The following KIF26B variants were observed in gnomAD, a reference collection of about 807,000 sequenced individuals.
KIF26B encodes kinesin family member 26B.
In KIF26B, 63 loss-of-function variants were observed where a neutral mutation model predicts 151.2. The ratio of observed to expected loss-of-function variants is 0.42; its 90% CI spans 0.34 to 0.51. KIF26B has a LOEUF of 0.51. Ranked by LOEUF, KIF26B falls within the 20% of genes least tolerant of loss-of-function variation. The probability of loss-of-function intolerance (pLI) is 0.07; values close to 1 mark genes in which losing one functional copy is unlikely to be tolerated. For synonymous variants in KIF26B, 1,357 were observed against 1,262.1 expected (o/e 1.08, Z -1.59); for missense variants, 2,813 against 2,913.6 (o/e 0.97, Z 0.79).
At chr1:245,511,852 T>C (rs1349719944) in intron 4 of KIF26B, among the ~76,000 whole-genome samples, 2 of 152,210 alleles carry the variant, frequency 1.3e-5, no homozygotes, top group Non-Finnish European at 2.9e-5. Flanking sequence ...AACAAGTCAC[T>C]TGAAGACCAA....
At chr1:245,441,576 C>A (rs766213293) in intron 4 of KIF26B, among the ~76,000 whole-genome samples, 2 of 151,948 alleles carry the variant, frequency 1.3e-5, no homozygotes, top group Non-Finnish European at 2.9e-5. Flanking sequence ...ACTCGGCTAA[C>A]GTGTGTGAGT....
In KIF26B at chr1:245,318,885, G is replaced by GA. The variant is rs5782334; in HGVS notation, c.466-47940dup. Among the ~76,000 whole-genome samples, 95,403 of 150,530 alleles carry GA rather than the reference G, an allele frequency of 0.63. 30,938 individuals carry two copies. The highest frequency in any genetic ancestry group is 0.8 in the African/African-American group (32,822 of 41,064). ...ATCAGCCTGAGCCAAGATTGATGAG[G>GA]AAAAAAAAACAAAAACCAAAATCTA... On this transcript the variant is annotated intron_variant, in intron 2 of 14. Coordinates refer to ENST00000407071, the MANE Select transcript of KIF26B (RefSeq NM_018012.4). This position sits in a 1 kb window ranked among gnomAD's most constrained non-coding sequence, Gnocchi z 4.0.
intron 2 of KIF26B, among the ~76,000 whole-genome samples, chr1:245,303,488 G>C (rs534427826): frequency 6.6e-6 from 1 of 150,942 alleles, no homozygotes; most frequent in Non-Finnish European, 1.5e-5. Flanking sequence ...GTAAGCCACC[G>C]CGCCCGGCCC....
chr1:245,508,351 C>T (rs553150668), intron 4 of KIF26B, among the ~76,000 whole-genome samples: 1 of 152,308 alleles, frequency 6.6e-6, no homozygotes, highest in Admixed American at 6.5e-5. Flanking sequence ...CACCATTCTC[C>T]TGCCTCAGCC....
intron 10 of KIF26B, among the ~76,000 whole-genome samples, chr1:245,669,495 C>A (rs193196896): frequency 1.3e-5 from 2 of 152,160 alleles, no homozygotes; most frequent in African/African-American, 4.8e-5. Flanking sequence ...CATCACCACA[C>A]CCAGTTCACA....
intron 2 of KIF26B, among the ~76,000 whole-genome samples, chr1:245,263,684 G>A (rs1670692555): frequency 6.6e-6 from 1 of 152,290 alleles, no homozygotes; most frequent in Non-Finnish European, 1.5e-5. Flanking sequence ...GGAGACATGG[G>A]ACTTGCCAGA....
At chr1:245,201,057 C>G (rs995802448) in intron 2 of KIF26B, among the ~76,000 whole-genome samples, 7 of 152,112 alleles carry the variant, frequency 4.6e-5, no homozygotes, top group Non-Finnish European at 1.0e-4. Flanking sequence ...CACTTTACAC[C>G]CAAGACAGCT....
intron 3 of KIF26B, among the ~76,000 whole-genome samples, chr1:245,405,151 T>A (rs760800326): frequency 1.3e-5 from 2 of 152,186 alleles, no homozygotes; most frequent in Non-Finnish European, 2.9e-5. Context: ...CTAATTAGGA[T>A]TAATGAAACA....
intron 4 of KIF26B, among the ~76,000 whole-genome samples, chr1:245,493,433 C>T (rs540068175): frequency 2.0e-5 from 3 of 152,236 alleles, no homozygotes; most frequent in Non-Finnish European, 1.5e-5. Flanking sequence ...TGAACATAAC[C>T]ATTTTCACCA....
intron 4 of KIF26B, among the ~76,000 whole-genome samples, chr1:245,484,082 C>T (rs908527216): frequency 1.2e-4 from 18 of 151,702 alleles, no homozygotes; most frequent in Non-Finnish European, 1.6e-4. Flanking sequence ...TGGGCTGATC[C>T]CACGCCATTT....
At chr1:245,614,242 T>C (rs1293467367) in intron 9 of KIF26B, among the ~76,000 whole-genome samples, 1 of 152,180 alleles carries the variant, frequency 6.6e-6, no homozygotes, top group Non-Finnish European at 1.5e-5. Context: ...TGGCGTGATC[T>C]CGGCTCACTG....
intron 2 of KIF26B, among the ~76,000 whole-genome samples, chr1:245,229,993 C>T (rs547050553): frequency 1.3e-4 from 20 of 152,118 alleles, no homozygotes; most frequent in Non-Finnish European, 2.5e-4. Flanking sequence ...ATTAGCTGGG[C>T]GTGGCGGCAC....
chr1:245,325,388 T>C lies in KIF26B; in HGVS notation c.466-41446T>C, dbSNP rs77966664. Among the ~76,000 whole-genome samples, 324 of 152,318 alleles carry C rather than the reference T, an allele frequency of 2.1e-3. 8 individuals carry two copies. In the East Asian group the frequency reaches 0.052, roughly 24 times the overall value. On this transcript the variant is annotated intron_variant, in intron 2 of 14. Transcript: ENST00000407071. ...CAACCTTATTCCACTGCATGCCACC[T>C]TGTCCTCAGAGAATTCATAAAGACA...
At chr1:245,395,962 G>C (rs1673827649) in intron 3 of KIF26B, among the ~76,000 whole-genome samples, 1 of 152,120 alleles carries the variant, frequency 6.6e-6, no homozygotes, top group Admixed American at 6.5e-5. Flanking sequence ...TCCTAGCGAT[G>C]GTGTTGTAAA....
At chr1:245,674,308 G>A (rs79947086) in intron 10 of KIF26B, among the ~76,000 whole-genome samples, 3,112 of 152,244 alleles carry the variant, frequency 0.02, 54 homozygotes, top group African/African-American at 0.041. Context: ...AATTTAAAAG[G>A]AAGTGAAACT....
At chr1:245,185,337 C>T (rs1212433965) in intron 2 of KIF26B, among the ~76,000 whole-genome samples, 1 of 152,044 alleles carries the variant, frequency 6.6e-6, no homozygotes, top group Non-Finnish European at 1.5e-5. Flanking sequence ...TGGGGTTTCG[C>T]CATGTTGGCC....
At chr1:245,511,532 T>A (rs561358395) in intron 4 of KIF26B, among the ~76,000 whole-genome samples, 1 of 152,394 alleles carries the variant, frequency 6.6e-6, no homozygotes, top group South Asian at 2.1e-4. Context: ...AAAAATGAAG[T>A]TAGCCTGTGG....
At chr1:245,431,296 A>T (rs1241082786) in intron 4 of KIF26B, among the ~76,000 whole-genome samples, 1 of 151,560 alleles carries the variant, frequency 6.6e-6, no homozygotes. Flanking sequence ...CTCCTGCCTC[A>T]GCCTCCTGAG....
chr1:245,699,183 G>A lies in KIF26B; in HGVS notation c.6178+146G>A, dbSNP rs888329711. ...CATCAAATGGAGGAAGTTGCACCGAGCGAGCAGCCCTACTCCCCTGGGGAT... is the reference window on the plus strand; with the variant it reads ...CATCAAATGGAGGAAGTTGCACCGAACGAGCAGCCCTACTCCCCTGGGGAT... On this transcript the variant is annotated intron_variant, in intron 14 of 14. Coordinates refer to ENST00000407071, the MANE Select transcript of KIF26B (RefSeq NM_018012.4). 2.5e-5 allele frequency: 21 copies of A among 834,698 alleles called. No individual in the cohort carries two copies. In the African/African-American group the frequency reaches 3.6e-4, roughly 14 times the overall value. The allele number at this position is 834,698 out of a possible 1,614,324, so 51.7% of individuals were successfully genotyped here.
Sources: gnomAD v4.1 joint callset for allele counts (sites outside exome capture counted in the v4.1 genomes callset) on GRCh38, gnomAD v4.1.1 for gene constraint, Gnocchi (gnomAD v3.1) non-coding constraint, MANE v1.5 for transcripts, NCBI Gene and HGNC (gene_info 2026-07-23, HGNC 2026-07-21) for gene names.